SLC25A21: variants seen among roughly 807,000 people sequenced by gnomAD.
The protein encoded by SLC25A21 is mitochondrial 2-oxodicarboxylate carrier.
SLC25A21 carries 47 observed loss-of-function variants against 43.8 expected under a neutral mutation model. The observed-to-expected ratio is 1.07, with a 90% confidence interval of 0.85 to 1.37. The LOEUF (loss-of-function observed/expected upper bound fraction) is 1.37, where lower values mean the gene tolerates loss of function less well. SLC25A21 is among the 40% of genes most tolerant of loss of function. SLC25A21 has a pLI of 0.00. For missense variants in SLC25A21, 352 were observed against 350.2 expected (o/e 1.00, Z -0.04); for synonymous variants, 131 against 121.3 (o/e 1.08, Z -0.52).
intron 7 of SLC25A21, among the ~76,000 whole-genome samples, chr14:36,710,331 C>A (rs1198617981): frequency 6.6e-6 from 1 of 150,916 alleles, no homozygotes; most frequent in Non-Finnish European, 1.5e-5. Flanking sequence ...TGAGATTGCA[C>A]CATTGTACTC....
At chr14:36,976,325 G>A (rs1959871591) in intron 1 of SLC25A21, among the ~76,000 whole-genome samples, 1 of 152,118 alleles carries the variant, frequency 6.6e-6, no homozygotes, top group African/African-American at 2.4e-5. Context: ...TGGGCAAGGG[G>A]CAGTCAAAAT....
At chr14:37,089,542 C>G (rs2138848559) in intron 1 of SLC25A21, among the ~76,000 whole-genome samples, 1 of 152,260 alleles carries the variant, frequency 6.6e-6, no homozygotes, top group Non-Finnish European at 1.5e-5. Flanking sequence ...TTTCTGCTGC[C>G]TTTTTTATTA....
intron 1 of SLC25A21, among the ~76,000 whole-genome samples, chr14:36,893,208 CTGT>C (rs1891131166): frequency 6.6e-6 from 1 of 152,148 alleles, no homozygotes; most frequent in Non-Finnish European, 1.5e-5. Flanking sequence ...TCTCCAGCAC[CTGT>C]TGTTTCCTGA....
intron 2 of SLC25A21, among the ~76,000 whole-genome samples, chr14:36,834,828 A>G (rs1392994481): frequency 6.6e-6 from 1 of 152,184 alleles, no homozygotes; most frequent in African/African-American, 2.4e-5. Flanking sequence ...GTCAAGTGAC[A>G]TTAAAAAAAA....
intron 1 of SLC25A21, among the ~76,000 whole-genome samples, chr14:37,130,380 A>C (rs764368832): frequency 6.6e-6 from 1 of 152,244 alleles, no homozygotes; most frequent in African/African-American, 2.4e-5. Flanking sequence ...AAGTCTTGCT[A>C]TTAAAGCAAC....
intron 1 of SLC25A21, among the ~76,000 whole-genome samples, chr14:37,041,315 T>C (rs1961466428): frequency 6.6e-6 from 1 of 152,166 alleles, no homozygotes. Flanking sequence ...ATAATCAATC[T>C]GTATCTATAA....
At chr14:36,732,817 C>T (rs8006565) in intron 4 of SLC25A21, among the ~76,000 whole-genome samples, 29,727 of 152,080 alleles carry the variant, frequency 0.2, 3,151 homozygotes, top group Admixed American at 0.33. Flanking sequence ...AAAACTAGTG[C>T]TATCCATCTG....
chr14:37,150,836 C>T (rs1321885086), intron 1 of SLC25A21, among the ~76,000 whole-genome samples: 2 of 152,222 alleles, frequency 1.3e-5, no homozygotes, highest in Non-Finnish European at 2.9e-5. Context: ...GCAATTTACT[C>T]CAAAGTGCTT....
At chr14:37,159,353 A>T (rs1046040362) in intron 1 of SLC25A21, among the ~76,000 whole-genome samples, 21 of 152,200 alleles carry the variant, frequency 1.4e-4, no homozygotes, top group Admixed American at 2.6e-4. Context: ...TAACCAAAAC[A>T]GTATGGTATT....
rs565365504 is a variant in SLC25A21 at position 37,059,885 on chromosome 14, C to A, written c.70+112396G>T. Among the ~76,000 whole-genome samples the A allele has an allele frequency of 3.3e-5, 5 of 152,134 alleles. No individual in the cohort carries two copies. The South Asian group carries it at 1.0e-3, about 31-fold the overall frequency. ...CTGGAAACAACTAACAAGCTCCACT[C>A]CAGCAGAGGGCTGAGTAGTGGCACA... On this transcript the variant is annotated intron_variant, in intron 1 of 9. Coordinates refer to ENST00000331299, the MANE Select transcript of SLC25A21 (RefSeq NM_030631.4).
At chr14:36,806,987 C>T (rs1488085461) in intron 3 of SLC25A21, 1 of 152,168 alleles carries the variant, frequency 6.6e-6, no homozygotes, top group African/African-American at 2.4e-5. Context: ...CCAGGAAGGG[C>T]CTCTTTGCTA....
At chr14:37,116,578 T>C (rs138812192) in intron 1 of SLC25A21, among the ~76,000 whole-genome samples, 1 of 152,148 alleles carries the variant, frequency 6.6e-6, no homozygotes, top group African/African-American at 2.4e-5. Context: ...AGAATCCAGC[T>C]GAGAAAAAAT....
intron 2 of SLC25A21, among the ~76,000 whole-genome samples, chr14:36,814,548 C>T (rs1263976849): frequency 2.6e-5 from 4 of 152,138 alleles, no homozygotes; most frequent in Admixed American, 1.3e-4. Context: ...GACATTTAAG[C>T]GGCCAACAAA....
chr14:37,031,556 T>C (rs1948111787), intron 1 of SLC25A21, among the ~76,000 whole-genome samples: 1 of 152,156 alleles, frequency 6.6e-6, no homozygotes, highest in South Asian at 2.1e-4. Flanking sequence ...AGGTATCTCA[T>C]TACTTGATGT....
chr14:37,102,377 AG>A (rs1304818596), intron 1 of SLC25A21, among the ~76,000 whole-genome samples: 1 of 151,526 alleles, frequency 6.6e-6, no homozygotes, highest in African/African-American at 2.4e-5. Flanking sequence ...AGGGAGGTGG[AG>A]GTTTCAGTGA....
intron 1 of SLC25A21, among the ~76,000 whole-genome samples, chr14:37,013,228 G>A (rs9322973): frequency 0.1 from 15,264 of 152,038 alleles, 1,157 homozygotes; most frequent in African/African-American, 0.22. Context: ...TTAACTATTC[G>A]TATGTCTATG....
At chr14:37,164,744 C>T (rs112078777) in intron 1 of SLC25A21, among the ~76,000 whole-genome samples, 3 of 152,224 alleles carry the variant, frequency 2.0e-5, no homozygotes, top group African/African-American at 7.2e-5. Flanking sequence ...CATCCTATAT[C>T]TTTTTATTAG....
chr14:36,694,524 C>T (rs1428073044), intron 7 of SLC25A21, among the ~76,000 whole-genome samples: 2 of 152,306 alleles, frequency 1.3e-5, no homozygotes, highest in South Asian at 4.1e-4. Context: ...TACACTCCCA[C>T]CAACAGTGTA....
At chr14:37,137,232 C>T (rs1454284865) in intron 1 of SLC25A21, among the ~76,000 whole-genome samples, 2 of 151,960 alleles carry the variant, frequency 1.3e-5, no homozygotes, top group South Asian at 2.1e-4. Flanking sequence ...CTCCTGACCT[C>T]GTGATCCGCC....
Sources: gnomAD v4.1 joint callset for allele counts (sites outside exome capture counted in the v4.1 genomes callset) on GRCh38, gnomAD v4.1.1 for gene constraint, MANE v1.5 for transcripts, NCBI Gene and HGNC (gene_info 2026-07-23, HGNC 2026-07-21) for gene names.